The following TMEM51 variants were observed in gnomAD, a reference collection of about 807,000 sequenced individuals.
TMEM51 encodes the protein chromosome 1 open reading frame 72.
A neutral mutation model predicts 13.6 loss-of-function variants in TMEM51; 8 were observed. The observed-to-expected ratio is 0.59, with a 90% confidence interval of 0.35 to 1.07. The LOEUF is 1.07. Among genes scored for constraint, TMEM51 ranks in the 50% least tolerant of loss-of-function variants. The pLI is 0.02. For synonymous variants in TMEM51, 147 were observed against 144.4 expected (o/e 1.02, Z -0.13); for missense variants, 279 against 330.7 (o/e 0.84, Z 1.21).
At chr1:15,206,554 C>T (rs7514839) in intron 1 of TMEM51, among the ~76,000 whole-genome samples, 2 of 151,998 alleles carry the variant, frequency 1.3e-5, no homozygotes, top group African/African-American at 2.4e-5. Flanking sequence ...CACTTACCGG[C>T]TGTGTGGCCC....
At chr1:15,197,214 C>T (rs1367857115) in intron 1 of TMEM51, among the ~76,000 whole-genome samples, 2 of 152,212 alleles carry the variant, frequency 1.3e-5, no homozygotes, top group African/African-American at 4.8e-5. Context: ...CACTGTGCCC[C>T]AGAGTGTGGG....
chr1:15,165,331 G>A (rs1642957699), intron 1 of TMEM51, among the ~76,000 whole-genome samples: 1 of 151,932 alleles, frequency 6.6e-6, no homozygotes, highest in African/African-American at 2.4e-5. Flanking sequence ...AAATGCTGGT[G>A]GCCAATTAGT....
chr1:15,209,859 C>T (rs1257582031), intron 1 of TMEM51, among the ~76,000 whole-genome samples: 5 of 152,098 alleles, frequency 3.3e-5, no homozygotes, highest in South Asian at 2.1e-4. Flanking sequence ...GGTGAAACCC[C>T]GTCTCTACTA....
intron 3 of TMEM51, among the ~76,000 whole-genome samples, chr1:15,216,234 A>T (rs1557860871): frequency 1.3e-5 from 2 of 152,162 alleles, no homozygotes; most frequent in Non-Finnish European, 2.9e-5. Context: ...GCAATTTTCC[A>T]TTTGAGCAAA....
At chr1:15,195,825 T>C (rs1340293375) in intron 1 of TMEM51, among the ~76,000 whole-genome samples, 2 of 152,180 alleles carry the variant, frequency 1.3e-5, no homozygotes, top group Non-Finnish European at 1.5e-5. Context: ...CCCAACCGAC[T>C]GCCCTCGGCC....
At chr1:15,193,172 A>G (rs1643969010) in intron 1 of TMEM51, among the ~76,000 whole-genome samples, 1 of 152,206 alleles carries the variant, frequency 6.6e-6, no homozygotes, top group Non-Finnish European at 1.5e-5. Context: ...CTGCGCTGTC[A>G]TCTGGGGGTT....
In TMEM51 at chr1:15,214,999, A is replaced by C; in HGVS notation, c.-89A>C. 1.1e-5 allele frequency: 13 copies of C among 1,188,452 alleles called. No homozygotes were observed. The highest frequency in any genetic ancestry group is 1.3e-5 in the Non-Finnish European group (11 of 849,708). The allele number at this position is 1,188,452 out of a possible 1,614,324, so 73.6% of individuals were successfully genotyped here. ...TAGTGTGGGGCGAGAGATTTTGTGG[A>C]GCGCATTTAAGGGGTTTTTGTTGTG... On this transcript the variant is annotated 5_prime_UTR_variant, in exon 3 of 4. Coordinates refer to ENST00000376008, the MANE Select transcript of TMEM51 (RefSeq NM_001136218.2).
intron 1 of TMEM51, chr1:15,171,089 TCCTC>T: frequency 9.8e-7 from 1 of 1,019,688 alleles, no homozygotes; most frequent in Non-Finnish European, 1.3e-6. Flanking sequence ...GATTGCTGGG[TCCTC>T]CCTCCTCCTC....
At chr1:15,199,947 G>A (rs926802922) in intron 1 of TMEM51, among the ~76,000 whole-genome samples, 1 of 152,244 alleles carries the variant, frequency 6.6e-6, no homozygotes, top group African/African-American at 2.4e-5. Context: ...TAGCAATACC[G>A]TGGAGGTTGT....
chr1:15,155,558 A>G (rs4661581), intron 1 of TMEM51, among the ~76,000 whole-genome samples: 136,523 of 152,246 alleles, frequency 0.9, 61,692 homozygotes, highest in South Asian at 0.99. Flanking sequence ...AAAGAGTATT[A>G]GAATATTCAT....
intron 1 of TMEM51, among the ~76,000 whole-genome samples, chr1:15,155,532 G>T (rs1360891487): frequency 6.6e-6 from 1 of 152,236 alleles, no homozygotes; most frequent in African/African-American, 2.4e-5. Flanking sequence ...AAATAACTCA[G>T]GAGGTCCTGC....
chr1:15,172,070 A>G (rs76180898), intron 1 of TMEM51, among the ~76,000 whole-genome samples: 230 of 152,234 alleles, frequency 1.5e-3, no homozygotes, highest in African/African-American at 5.3e-3. Context: ...GAAACTTCTG[A>G]AGTATGGAAA....
intron 1 of TMEM51, among the ~76,000 whole-genome samples, chr1:15,194,453 G>T (rs1349565105): frequency 6.6e-6 from 1 of 152,142 alleles, no homozygotes; most frequent in Admixed American, 6.5e-5. Context: ...TTCCTGCCAC[G>T]TGCCCCTTGG....
At chr1:15,167,312 G>T (rs1038279989) in intron 1 of TMEM51, among the ~76,000 whole-genome samples, 4 of 116,472 alleles carry the variant, frequency 3.4e-5, no homozygotes, top group African/African-American at 1.3e-4. Context: ...GGGCGACAGA[G>T]CGAGACTCCA....
At chr1:15,208,465 GATTAAAA>G in intron 1 of TMEM51, among the ~76,000 whole-genome samples, 1 of 152,082 alleles carries the variant, frequency 6.6e-6, no homozygotes, top group East Asian at 1.9e-4. Flanking sequence ...TCTACAAAAA[GATTAAAA>G]ATTAAAACAT....
intron 1 of TMEM51, among the ~76,000 whole-genome samples, chr1:15,176,362 C>A (rs1643456172): frequency 6.6e-6 from 1 of 152,200 alleles, no homozygotes; most frequent in Non-Finnish European, 1.5e-5. Flanking sequence ...GAAACCAGCA[C>A]CCTCAAGACG....
At chr1:15,180,046 C>T (rs1485239081) in intron 1 of TMEM51, among the ~76,000 whole-genome samples, 1 of 152,170 alleles carries the variant, frequency 6.6e-6, no homozygotes, top group Non-Finnish European at 1.5e-5. Flanking sequence ...GATGCCTCCG[C>T]CCCAGCCCTG....
chr1:15,166,884 T>C (rs1348012092), intron 1 of TMEM51, among the ~76,000 whole-genome samples: 2 of 152,184 alleles, frequency 1.3e-5, no homozygotes, highest in Non-Finnish European at 2.9e-5. Flanking sequence ...AATACTCTCC[T>C]GCTGCCTCTT....
In TMEM51 at chr1:15,201,985, C is replaced by T. The variant is rs534386293; in HGVS notation, c.-266-8505C>T. ...CTTAAAAGCCCTCATATAATGAGTA[C>T]TTAAAGTAAACGTCAGTCTTGTCCT... On this transcript the variant is annotated intron_variant, in intron 1 of 3. Coordinates refer to ENST00000376008, the MANE Select transcript of TMEM51 (RefSeq NM_001136218.2). Among the ~76,000 whole-genome samples the T allele has an allele frequency of 2.0e-5, 3 of 152,274 alleles. No individual in the cohort carries two copies. The East Asian group carries it at 5.8e-4, about 29-fold the overall frequency.
Sources: allele counts gnomAD v4.1 joint callset (sites outside exome capture counted in the v4.1 genomes callset), GRCh38; gene constraint gnomAD v4.1.1; transcripts MANE v1.5; gene names NCBI Gene and HGNC (gene_info 2026-07-23, HGNC 2026-07-21).